The following LRRC4C variants were observed in gnomAD, a reference collection of about 807,000 sequenced individuals.
LRRC4C encodes leucine rich repeat containing 4C.
A neutral mutation model predicts 33.6 loss-of-function variants in LRRC4C; 5 were observed. The observed-to-expected ratio is 0.15, with a 90% CI of 0.08 to 0.31. The LOEUF (loss-of-function observed/expected upper bound fraction) is 0.31. Ranked by LOEUF, LRRC4C falls within the 10% of genes least tolerant of loss-of-function variation. The pLI is 1.00. For missense variants in LRRC4C, 560 were observed against 796.7 expected (o/e 0.70, Z 3.58); for synonymous variants, 329 against 302.0 (o/e 1.09, Z -0.93).
chr11:40,779,661 TAG>T (rs1056296429), intron 2 of LRRC4C, among the ~76,000 whole-genome samples: 1 of 152,126 alleles, frequency 6.6e-6, no homozygotes, highest in Admixed American at 6.6e-5. Flanking sequence ...TATCTGGAAT[TAG>T]AGAGTTCCCT....
chr11:40,884,710 A>T (rs1018939474), intron 2 of LRRC4C, among the ~76,000 whole-genome samples: 5 of 152,106 alleles, frequency 3.3e-5, no homozygotes, highest in Non-Finnish European at 1.5e-5. Flanking sequence ...TTTGATAATG[A>T]TACTATAGAC....
intron 2 of LRRC4C, among the ~76,000 whole-genome samples, chr11:40,875,184 A>G (rs888597909): frequency 6.6e-6 from 1 of 152,154 alleles, no homozygotes; most frequent in Non-Finnish European, 1.5e-5. Context: ...AAATATTTCC[A>G]AGATTATAGC....
intron 1 of LRRC4C, among the ~76,000 whole-genome samples, chr11:41,177,988 C>G (rs1470287900): frequency 6.6e-6 from 1 of 152,094 alleles, no homozygotes; most frequent in Non-Finnish European, 1.5e-5. Context: ...GCCAAGATAC[C>G]GTGGTTAAAG....
At chr11:40,422,183 A>T (rs1296480001) in intron 3 of LRRC4C, among the ~76,000 whole-genome samples, 1 of 152,214 alleles carries the variant, frequency 6.6e-6, no homozygotes, top group Non-Finnish European at 1.5e-5. Flanking sequence ...AAAATTTATA[A>T]GTCCTCACCG....
intron 3 of LRRC4C, among the ~76,000 whole-genome samples, chr11:40,594,733 T>A (rs1475038163): frequency 6.6e-6 from 1 of 152,162 alleles, no homozygotes; most frequent in Admixed American, 6.6e-5. Flanking sequence ...TTGGGACAGT[T>A]TAGGGTGTCT....
intron 2 of LRRC4C, among the ~76,000 whole-genome samples, chr11:40,779,398 A>G (rs1227066652): frequency 6.6e-6 from 1 of 152,174 alleles, no homozygotes; most frequent in East Asian, 1.9e-4. Flanking sequence ...TATATTTTCT[A>G]GTTTTTCTGC....
intron 3 of LRRC4C, among the ~76,000 whole-genome samples, chr11:40,513,103 G>T (rs1955400751): frequency 6.6e-6 from 1 of 151,920 alleles, no homozygotes; most frequent in Non-Finnish European, 1.5e-5. Flanking sequence ...CAAAAAATTA[G>T]CCAGGCGCGG....
At chr11:40,707,357 A>G (rs548252963) in intron 2 of LRRC4C, among the ~76,000 whole-genome samples, 1 of 152,256 alleles carries the variant, frequency 6.6e-6, no homozygotes, top group South Asian at 2.1e-4. Flanking sequence ...TGTCATAAAT[A>G]GCTCTTATTA....
At chr11:40,365,887 T>G (rs1948186218) in intron 3 of LRRC4C, among the ~76,000 whole-genome samples, 2 of 152,076 alleles carry the variant, frequency 1.3e-5, no homozygotes, top group Non-Finnish European at 2.9e-5. Context: ...TGATATATTT[T>G]TAATTGGTAT....
At chr11:41,400,583 A>T (rs548582803) in intron 1 of LRRC4C, among the ~76,000 whole-genome samples, 90 of 151,524 alleles carry the variant, frequency 5.9e-4, no homozygotes, top group Middle Eastern at 3.4e-3. Flanking sequence ...AATAGGAGAT[A>T]TTTTTTTAAT....
chr11:40,381,922 C>T (rs1422010018), intron 3 of LRRC4C, among the ~76,000 whole-genome samples: 2 of 145,466 alleles, frequency 1.4e-5, no homozygotes, highest in East Asian at 2.0e-4. Flanking sequence ...TTCAAATAAA[C>T]AATCATATGG....
intron 2 of LRRC4C, among the ~76,000 whole-genome samples, chr11:40,758,114 T>A (rs1260637961): frequency 6.6e-6 from 1 of 152,064 alleles, no homozygotes; most frequent in African/African-American, 2.4e-5. Context: ...AGAGCAAGCA[T>A]CAGTCACCAT....
At chr11:40,374,444 T>C (rs1001784067) in intron 3 of LRRC4C, among the ~76,000 whole-genome samples, 1 of 152,222 alleles carries the variant, frequency 6.6e-6, no homozygotes, top group Non-Finnish European at 1.5e-5. Flanking sequence ...TTATAATTTC[T>C]TACTGAGTTT....
chr11:40,689,584 C>T (rs1042668826), intron 2 of LRRC4C, among the ~76,000 whole-genome samples: 10 of 151,698 alleles, frequency 6.6e-5, no homozygotes, highest in Non-Finnish European at 4.4e-5. Flanking sequence ...ATCCATTTTC[C>T]GAAAGAGTTG....
intron 3 of LRRC4C, among the ~76,000 whole-genome samples, chr11:40,515,579 G>T (rs1025538993): frequency 6.6e-6 from 1 of 152,034 alleles, no homozygotes; most frequent in Non-Finnish European, 1.5e-5. Context: ...ACTTCATGAA[G>T]TAGACTTGTC....
chr11:41,365,161 G>C (rs12282702), intron 1 of LRRC4C, among the ~76,000 whole-genome samples: 1 of 151,906 alleles, frequency 6.6e-6, no homozygotes, highest in Admixed American at 6.6e-5. Flanking sequence ...TACTGCCTGA[G>C]CTCTGCCTCC....
At chr11:40,154,401 C>T (rs1021852671) in intron 5 of LRRC4C, among the ~76,000 whole-genome samples, 1 of 151,862 alleles carries the variant, frequency 6.6e-6, no homozygotes, top group Non-Finnish European at 1.5e-5. Context: ...AAATGCTCCA[C>T]TTAAAAGATA....
intron 2 of LRRC4C, among the ~76,000 whole-genome samples, chr11:40,832,306 T>G (rs1046066902): frequency 1.3e-5 from 2 of 152,206 alleles, no homozygotes; most frequent in African/African-American, 4.8e-5. Context: ...GGTTGAAATG[T>G]CATTATGTGG....
intron 3 of LRRC4C, among the ~76,000 whole-genome samples, chr11:40,350,046 C>G (rs911058579): frequency 6.6e-6 from 1 of 152,112 alleles, no homozygotes; most frequent in African/African-American, 2.4e-5. Flanking sequence ...TGGGTTTTCT[C>G]TTCAATCTGA....
Sources: gnomAD v4.1 joint callset for allele counts (sites outside exome capture counted in the v4.1 genomes callset) on GRCh38, gnomAD v4.1.1 for gene constraint, MANE v1.5 for transcripts, NCBI Gene and HGNC (gene_info 2026-07-23, HGNC 2026-07-21) for gene names.